The following TCF15 variants were observed in gnomAD, a reference collection of about 807,000 sequenced individuals.
TCF15 encodes TCF-15.
Under a neutral mutation model 11.1 loss-of-function variants are expected in TCF15, and 7 were observed. The observed-to-expected ratio is 0.63, with a 90% CI of 0.36 to 1.19. TCF15 has a LOEUF of 1.19. TCF15 is among the 50% of genes most tolerant of loss of function. The pLI is 0.02. For missense variants in TCF15, 288 were observed against 289.4 expected, an observed-to-expected ratio of 1.00 and a Z score of 0.03; for synonymous variants, 144 against 138.9, an observed-to-expected ratio of 1.04 and a Z score of -0.26.
chr20:605,268 C>G (rs2019963692), intron 1 of TCF15, among the ~76,000 whole-genome samples: 1 of 152,198 alleles, frequency 6.6e-6, no homozygotes. Context: ...ACGGGCAAAA[C>G]AAGCACACCC....
At chr20:607,685 C>A (rs2019987999) in intron 1 of TCF15, among the ~76,000 whole-genome samples, 1 of 152,210 alleles carries the variant, frequency 6.6e-6, no homozygotes, top group Non-Finnish European at 1.5e-5. Context: ...CTGAGACCTG[C>A]AGAGAAGTCC....
rs2019959398 is a variant in TCF15, at chr20:604,867, G to C, written c.526-202C>G. ...CAAATGACAATGTTTAGGGACAAAAGCAAGGGGCAGGCTGAATGCGCCTGT... is the reference window on the plus strand; with the variant it reads ...CAAATGACAATGTTTAGGGACAAAACCAAGGGGCAGGCTGAATGCGCCTGT... On this transcript the variant is annotated intron_variant, in intron 1 of 1. Coordinates refer to ENST00000246080, the MANE Select transcript of TCF15 (RefSeq NM_004609.4). This position sits in a 1 kb window ranked among gnomAD's most constrained non-coding sequence, Gnocchi z 4.2. 6.6e-6 allele frequency among the ~76,000 whole-genome samples: 1 copy of C among 152,224 alleles called. No homozygotes were observed. The highest frequency in any genetic ancestry group is 2.4e-5 in the African/African-American group (1 of 41,458).
chr20:606,133 G>C (rs1055888086), intron 1 of TCF15, among the ~76,000 whole-genome samples: 2 of 152,072 alleles, frequency 1.3e-5, no homozygotes, highest in African/African-American at 4.8e-5. Context: ...TGCAGCCCAG[G>C]GACAGCATGT....
At chr20:607,598 T>C (rs1167409089) in intron 1 of TCF15, among the ~76,000 whole-genome samples, 1 of 152,228 alleles carries the variant, frequency 6.6e-6, no homozygotes, top group African/African-American at 2.4e-5. Context: ...CAAATTTGGC[T>C]GAGTTCTTGG....
At position 610,186 on chromosome 20, in the gene TCF15, C is replaced by T; in HGVS notation, c.52G>A (p.Val18Met). The T allele has an allele frequency of 9.5e-7, 1 of 1,049,550 alleles. No individual in the cohort carries two copies. Among genetic ancestry groups the T allele is most frequent in the Non-Finnish European group, 1.2e-6 (1 of 867,196 alleles). 65.0% of individuals were successfully genotyped at this position (1,049,550 alleles called of 1,614,324 possible). ...PVGAHVLYPD[V>M]RLLSEDEENR... The stretch of plus-strand genomic sequence containing the variant: ...TCCTCGTCCTCGCTCAGCAGCCGCA[C>T]GTCCGGGTACAGCACGTGCGCGCCG... The change falls in exon 1 of 2, where the codon GTG (valine) becomes ATG (methionine). Residue 18 changes from valine to methionine, a missense_variant. Val to Met is a conservative substitution (Grantham distance 21). Transcript: ENST00000246080.
intron 1 of TCF15, among the ~76,000 whole-genome samples, chr20:608,196 C>G (rs992423813): frequency 6.6e-6 from 1 of 152,200 alleles, no homozygotes; most frequent in Non-Finnish European, 1.5e-5. Context: ...TCCCCTCCCC[C>G]ACCATCAGAC....
At chr20:605,185 C>A (rs1392646200) in intron 1 of TCF15, among the ~76,000 whole-genome samples, 1 of 152,158 alleles carries the variant, frequency 6.6e-6, no homozygotes, top group Non-Finnish European at 1.5e-5. Flanking sequence ...TACTTTTTTA[C>A]CTTTTCTACT....
chr20:607,526 G>A (rs569564335), intron 1 of TCF15, among the ~76,000 whole-genome samples: 1 of 152,256 alleles, frequency 6.6e-6, no homozygotes, highest in African/African-American at 2.4e-5. Context: ...TAGCTGGCCA[G>A]GATTGCCCCT....
intron 1 of TCF15, among the ~76,000 whole-genome samples, chr20:607,724 C>T (rs1240602484): frequency 3.3e-5 from 5 of 152,192 alleles, no homozygotes; most frequent in Non-Finnish European, 5.9e-5. Flanking sequence ...GGGGTGGACA[C>T]ATGACAGTTA....
Position 606,551 on chromosome 20 carries a change from T to C in TCF15, c.526-1886A>G, listed in dbSNP as rs1169301003. On this transcript the variant is annotated intron_variant, in intron 1 of 1. Coordinates refer to ENST00000246080, the MANE Select transcript of TCF15 (RefSeq NM_004609.4). ...GTCTTGACGGCCGGGTATGGTGGCT[T>C]ATGCCTGTAATCCCAGCACTTTTGG... Among the ~76,000 whole-genome samples, 4 of 152,228 alleles carry C rather than the reference T, an allele frequency of 2.6e-5. No individual in the cohort carries two copies. In the East Asian group the frequency reaches 7.7e-4, roughly 29 times the overall value.
At position 604,512 on chromosome 20, in the gene TCF15, G is replaced by T; in HGVS notation, c.*79C>A. 7.4e-7 allele frequency: 1 copy of T among 1,343,030 alleles called. No individual in the cohort carries two copies. 83.2% of individuals were successfully genotyped at this position (1,343,030 alleles called of 1,614,324 possible). ...GGTCCCCCGGTCCCTACACAAAGAA[G>T]GGGTGGGCTTGGCTCCTGGGGTCTT... On this transcript the variant is annotated 3_prime_UTR_variant, in exon 2 of 2. Coordinates refer to ENST00000246080, the MANE Select transcript of TCF15 (RefSeq NM_004609.4). The surrounding 1 kb of genome is among the most constrained non-coding windows in gnomAD (Gnocchi z 4.2).
intron 1 of TCF15, among the ~76,000 whole-genome samples, chr20:606,531 G>A (rs943686579): frequency 3.3e-5 from 5 of 152,166 alleles, no homozygotes; most frequent in African/African-American, 1.2e-4. Context: ...AAGAGGTCTT[G>A]ACGGCCGGGT....
rs937715057 is a variant in TCF15, at chr20:604,542, C to T, written c.*49G>A. On this transcript the variant is annotated 3_prime_UTR_variant, in exon 2 of 2. Transcript: ENST00000246080. This position sits in a 1 kb window ranked among gnomAD's most constrained non-coding sequence, Gnocchi z 4.2. ...GGGCTTGGCTCCTGGGGTCTTCTTC[C>T]CTGTCCAGCCAGTGGCTGGCTCCTG... The T allele has an allele frequency of 1.3e-6, 2 of 1,519,518 alleles. No homozygotes were observed. The highest frequency in any genetic ancestry group is 2.4e-5 in the South Asian group (2 of 83,438). 94.1% of individuals were successfully genotyped at this position (1,519,518 alleles called of 1,614,324 possible). A position where few individuals can be genotyped will look rare whatever the true frequency, so the allele number is the denominator to read the frequency against.
At chr20:608,493 C>G (rs1249135055) in intron 1 of TCF15, among the ~76,000 whole-genome samples, 1 of 152,262 alleles carries the variant, frequency 6.6e-6, no homozygotes, top group East Asian at 1.9e-4. Flanking sequence ...CAGCTGGGAG[C>G]AGCAGGGACC....
chr20:607,039 C>G (rs929213568), intron 1 of TCF15, among the ~76,000 whole-genome samples: 3 of 152,178 alleles, frequency 2.0e-5, no homozygotes, highest in Non-Finnish European at 2.9e-5. Context: ...AATTACTTTA[C>G]AGGATCACAC....
chr20:609,826 G>T lies in TCF15; in HGVS notation c.412C>A (p.Gln138Lys). The change falls in exon 1 of 2, where the codon CAG (glutamine) becomes AAG (lysine). Residue 138 changes from glutamine to lysine, a missense_variant. Transcript: ENST00000246080. The surrounding 1 kb of genome is among the most constrained non-coding windows in gnomAD (Gnocchi z 4.7). ...LLLGDSADDG[Q>K]PCFRAAGSAK... Reference sequence around the variant, plus strand: ...CTGCCCGCGGCACGGAAGCACGGCTGCCCGTCGTCGGCCGAGTCGCCCAGC... The same window carrying T: ...CTGCCCGCGGCACGGAAGCACGGCTTCCCGTCGTCGGCCGAGTCGCCCAGC... 6.6e-7 allele frequency: 1 copy of T among 1,516,156 alleles called. No individual in the cohort carries two copies. The highest frequency in any genetic ancestry group is 8.7e-7 in the Non-Finnish European group (1 of 1,143,310). The allele number at this position is 1,516,156 out of a possible 1,614,324, so 93.9% of individuals were successfully genotyped here.
chr20:610,258 C>A lies in TCF15; in HGVS notation c.-21G>T, dbSNP rs535255128. 29,762 of 989,582 alleles carry A rather than the reference C, an allele frequency of 0.03. 512 individuals carry two copies. The highest frequency in any genetic ancestry group is 0.043 in the Middle Eastern group (84 of 1,940). 61.3% of individuals were successfully genotyped at this position (989,582 alleles called of 1,614,324 possible). ...GCCATGGGCGCCGGCCGCGTCCCTC[C>A]GTGCGCCGCGTCCCAGCGTCGGCCG... On this transcript the variant is annotated 5_prime_UTR_variant, in exon 1 of 2. Transcript: ENST00000246080.
chr20:608,592 G>A (rs368059380), intron 1 of TCF15, among the ~76,000 whole-genome samples: 2 of 152,352 alleles, frequency 1.3e-5, no homozygotes, highest in African/African-American at 4.8e-5. Flanking sequence ...CTGGATATCT[G>A]ATGAGCCAGA....
At chr20:605,786 G>A (rs1469246114) in intron 1 of TCF15, among the ~76,000 whole-genome samples, 1 of 152,208 alleles carries the variant, frequency 6.6e-6, no homozygotes, top group African/African-American at 2.4e-5. Context: ...CTCACCGTAA[G>A]CCAGAGAGGT....
Sources: gnomAD v4.1 joint callset for allele counts (sites outside exome capture counted in the v4.1 genomes callset) on GRCh38, gnomAD v4.1.1 for gene constraint, Gnocchi (gnomAD v3.1) non-coding constraint, MANE v1.5 for transcripts, NCBI Gene and HGNC (gene_info 2026-07-23, HGNC 2026-07-21) for gene names.